The following GRAMD1C variants were observed in gnomAD, a reference collection of about 807,000 sequenced individuals.
GRAMD1C encodes GRAM domain containing 1C, also known as protein Aster-C.
GRAMD1C carries 89 observed loss-of-function variants against 97.8 expected under a neutral mutation model. That is an observed-to-expected ratio of 0.91 (90% CI 0.77 to 1.09). The LOEUF (loss-of-function observed/expected upper bound fraction) is 1.09, where lower values mean the gene tolerates loss of function less well. GRAMD1C is among the 50% of genes least tolerant of loss of function. The probability of loss-of-function intolerance (pLI) is 0.00; values close to 1 mark genes in which losing one functional copy is unlikely to be tolerated. For missense variants in GRAMD1C, 740 were observed against 766.4 expected (o/e 0.97, Z 0.41); for synonymous variants, 256 against 267.0 (o/e 0.96, Z 0.40).
Position 113,864,662 on chromosome 3 carries a change from A to G in GRAMD1C, c.175-4845A>G, listed in dbSNP as rs114034275. Among the ~76,000 whole-genome samples the G allele has an allele frequency of 4.7e-3, 718 of 152,258 alleles. 6 individuals carry two copies. The highest frequency in any genetic ancestry group is 0.016 in the African/African-American group (682 of 41,544). On this transcript the variant is annotated intron_variant, in intron 2 of 17. Transcript: ENST00000358160. ...TCCCAATAAGATATTCCTCATTTCC[A>G]TCAGAGACCTCTTCAGAATGGCCTT...
intron 1 of GRAMD1C, among the ~76,000 whole-genome samples, chr3:113,832,699 T>C (rs1158962353): frequency 6.6e-6 from 1 of 152,182 alleles, no homozygotes; most frequent in East Asian, 1.9e-4. Context: ...TTTGTAAAGT[T>C]TGTATTCTTT....
chr3:113,849,433 A>G lies in GRAMD1C; in HGVS notation c.174+4784A>G, dbSNP rs9755269. Among the ~76,000 whole-genome samples the G allele has an allele frequency of 3.1e-3, 478 of 151,830 alleles. 2 individuals carry two copies. The highest frequency in any genetic ancestry group is 0.011 in the African/African-American group (450 of 41,420). On this transcript the variant is annotated intron_variant, in intron 2 of 17. Coordinates refer to ENST00000358160, the MANE Select transcript of GRAMD1C (RefSeq NM_017577.5). ...GGTCTCTGGTTTTCCTAGGCAGAGG[A>G]CCCTGCAGCCTTCCGCAGTGTTTGT...
chr3:113,930,767 A>G lies in GRAMD1C; in HGVS notation c.1144A>G (p.Met382Val). The change falls in exon 11 of 18, where the codon ATG becomes GTG. Residue 382 changes from methionine (M) to valine (V), a missense_variant. Transcript: ENST00000358160. ...AELGGDQLRT[M>V]TYTIVLNSPL... ...ACTTGGAGGTGATCAGCTGAGAACG[A>G]TGACCTACACTATAGTCCTTAATAG... The G allele has an allele frequency of 6.2e-7, 1 of 1,612,538 alleles. No homozygotes were observed. The highest frequency in any genetic ancestry group is 8.5e-7 in the Non-Finnish European group (1 of 1,178,650).
chr3:113,918,176 C>A lies in GRAMD1C; in HGVS notation c.1090+2338C>A, dbSNP rs146686450. On this transcript the variant is annotated intron_variant, in intron 10 of 17. Transcript: ENST00000358160. ...AAAAAAATTATCTTTTCTGTTCTTC[C>A]AGTTTTGAAAATGTGGGATGCCTGA... Among the ~76,000 whole-genome samples, 579 of 152,100 alleles carry A rather than the reference C, an allele frequency of 3.8e-3. 4 individuals are homozygous for A. The highest frequency in any genetic ancestry group is 0.014 in the African/African-American group (568 of 41,474).
intron 6 of GRAMD1C, among the ~76,000 whole-genome samples, chr3:113,887,210 C>T (rs1405723009): frequency 6.6e-6 from 1 of 151,120 alleles, no homozygotes; most frequent in Non-Finnish European, 1.5e-5. Flanking sequence ...CCTGCCTCAC[C>T]CTCCCAAGTA....
chr3:113,894,361 C>T (rs1482119512), intron 6 of GRAMD1C, among the ~76,000 whole-genome samples: 2 of 152,040 alleles, frequency 1.3e-5, no homozygotes, highest in Non-Finnish European at 2.9e-5. Context: ...TCACTGCAAC[C>T]TCCGCCTCCT....
intron 2 of GRAMD1C, among the ~76,000 whole-genome samples, chr3:113,859,121 T>C (rs901991407): frequency 6.6e-6 from 1 of 152,168 alleles, no homozygotes; most frequent in Admixed American, 6.5e-5. Flanking sequence ...TTTGGGTTTA[T>C]TTTATATTTT....
chr3:113,864,457 CA>C (rs1934509644), intron 2 of GRAMD1C, among the ~76,000 whole-genome samples: 1 of 152,018 alleles, frequency 6.6e-6, no homozygotes, highest in African/African-American at 2.4e-5. Flanking sequence ...TTTCTTCTTC[CA>C]GAAATCATAG....
intron 2 of GRAMD1C, among the ~76,000 whole-genome samples, chr3:113,855,833 G>C (rs1257188493): frequency 6.6e-6 from 1 of 152,100 alleles, no homozygotes; most frequent in African/African-American, 2.4e-5. Flanking sequence ...AAATGGTGTG[G>C]TGTATTGACC....
upstream of GRAMD1C, among the ~76,000 whole-genome samples, chr3:113,835,245 A>T (rs546941831): frequency 3.8e-4 from 58 of 152,208 alleles, no homozygotes; most frequent in Non-Finnish European, 7.3e-4. Context: ...TTTTCCTAAA[A>T]CATTAGTCAG....
rs1411643709 is a variant in GRAMD1C, at chr3:113,947,102, G to A, written c.*1624G>A. 1 of 152,124 alleles carries A rather than the reference G, an allele frequency of 6.6e-6. No individual in the cohort carries two copies. The highest frequency in any genetic ancestry group is 1.5e-5 in the Non-Finnish European group (1 of 68,024). 9.4% of individuals were successfully genotyped at this position (152,124 alleles called of 1,614,324 possible). The stretch of plus-strand genomic sequence containing the variant: ...TTATAAATTAAGACTAAATTCGTAT[G>A]GATGCAGAATTCAATTAATAAAATT... On this transcript the variant is annotated 3_prime_UTR_variant, in exon 18 of 18. Transcript: ENST00000358160.
Position 113,945,763 on chromosome 3 carries a change from A to G in GRAMD1C, c.*285A>G. ...ATTTCTCTGATACAAAAAGAAAATGACACACCCTGAATTGAGTGGTATGGT... is the reference window on the plus strand; with the variant it reads ...ATTTCTCTGATACAAAAAGAAAATGGCACACCCTGAATTGAGTGGTATGGT... On this transcript the variant is annotated 3_prime_UTR_variant, in exon 18 of 18. Transcript: ENST00000358160. The G allele has an allele frequency of 3.0e-6, 1 of 334,982 alleles. No individual in the cohort carries two copies. The highest frequency in any genetic ancestry group is 5.5e-6 in the Non-Finnish European group (1 of 182,920). The allele number at this position is 334,982 out of a possible 1,614,324, so 20.8% of individuals were successfully genotyped here.
intron 15 of GRAMD1C, 118 bp from the exon 16 acceptor site, chr3:113,939,765 TAAC>T (rs931262753): frequency 4.4e-5 from 25 of 574,004 alleles, no homozygotes; most frequent in Middle Eastern, 2.7e-4. Context: ...ATTTAAATAA[TAAC>T]AACAATGAAA....
chr3:113,900,990 T>C (rs775112942), intron 6 of GRAMD1C, 41 bp from the exon 7 acceptor site: 1 of 988,856 alleles, frequency 1.0e-6, no homozygotes, highest in Admixed American at 1.8e-5. Flanking sequence ...TATTATATTT[T>C]ATATTTTCCA....
intron 2 of GRAMD1C, among the ~76,000 whole-genome samples, chr3:113,868,342 T>G (rs1456128286): frequency 2.0e-5 from 3 of 152,202 alleles, no homozygotes; most frequent in African/African-American, 7.2e-5. Flanking sequence ...ATGAGTCAAA[T>G]TTTCCTGTTT....
intron 2 of GRAMD1C, among the ~76,000 whole-genome samples, chr3:113,867,323 C>G (rs1214221294): frequency 6.6e-6 from 1 of 152,036 alleles, no homozygotes; most frequent in Non-Finnish European, 1.5e-5. Flanking sequence ...GAGACAGAGT[C>G]TCACTGTCAT....
intron 17 of GRAMD1C, 104 bp from the exon 18 acceptor site, chr3:113,945,293 CA>C: frequency 1.4e-6 from 1 of 706,930 alleles, no homozygotes; most frequent in Non-Finnish European, 2.5e-6. Context: ...TCAGTATAAA[CA>C]AAACTATATT....
intron 11 of GRAMD1C, among the ~76,000 whole-genome samples, chr3:113,931,793 G>T (rs1937438407): frequency 1.3e-5 from 2 of 152,070 alleles, no homozygotes; most frequent in South Asian, 4.1e-4. Context: ...AGGCATGATG[G>T]TGTGTGCCTG....
At position 113,887,090 on chromosome 3, in the gene GRAMD1C, T is replaced by TG. The variant is rs1553720012; in HGVS notation, c.540+4258_540+4259insG. The stretch of plus-strand genomic sequence containing the variant: ...CCACTGCGCCTGGCCTTTTTGTTTT[T>TG]TTTTTGTTTTTTTTTTTTTTTGAGA... On this transcript the variant is annotated intron_variant, in intron 6 of 17. Coordinates refer to ENST00000358160, the MANE Select transcript of GRAMD1C (RefSeq NM_017577.5). Among the ~76,000 whole-genome samples, 463 of 110,410 alleles carry TG rather than the reference T, an allele frequency of 4.2e-3. 3 individuals carry two copies. The highest frequency in any genetic ancestry group is 7.3e-3 in the Non-Finnish European group (377 of 51,892). 72.4% of individuals were successfully genotyped at this position (110,410 alleles called of 152,430 possible).
Sources: allele counts gnomAD v4.1 joint callset (sites outside exome capture counted in the v4.1 genomes callset), GRCh38; gene constraint gnomAD v4.1.1; transcripts MANE v1.5; gene names NCBI Gene and HGNC (gene_info 2026-07-23, HGNC 2026-07-21).